PNPLA6: variants seen among roughly 807,000 people sequenced by gnomAD.
PNPLA6 encodes patatin-like phospholipase domain-containing protein 6.
A neutral mutation model predicts 153.7 loss-of-function variants in PNPLA6; 105 were observed. That is an observed-to-expected ratio of 0.68 (90% CI 0.58 to 0.80). PNPLA6 has a LOEUF of 0.80. Among genes scored for constraint, PNPLA6 ranks in the 30% least tolerant of loss-of-function variants. PNPLA6 has a pLI of 0.00. For missense variants in PNPLA6, 1,423 were observed against 1,919.3 expected, an observed-to-expected ratio of 0.74 and a Z score of 4.83; for synonymous variants, 825 against 822.2, an observed-to-expected ratio of 1.00 and a Z score of -0.06.
At position 7,540,520 on chromosome 19, in the gene PNPLA6, T is replaced by C; in HGVS notation, c.715-110T>C. 1.9e-6 allele frequency: 2 copies of C among 1,069,958 alleles called. No individual in the cohort carries two copies. Among genetic ancestry groups the C allele is most frequent in the Non-Finnish European group, 2.9e-6 (2 of 690,410 alleles). 66.3% of individuals were successfully genotyped at this position (1,069,958 alleles called of 1,614,324 possible). ...CCTGCTCGTTGGAAGGGTTGGTGGG[T>C]TCCCCTGAGAAGGGATGAGAAGTGT... On this transcript the variant is annotated intron_variant, in intron 5 of 31. Coordinates refer to ENST00000600737, the MANE Select transcript of PNPLA6 (RefSeq NM_001166114.2). This position sits in a 1 kb window ranked among gnomAD's most constrained non-coding sequence, Gnocchi z 6.8.
chr19:7,555,071 A>C lies in PNPLA6; in HGVS notation c.2813A>C (p.Lys938Thr). 1 of 1,593,678 alleles carries C rather than the reference A, an allele frequency of 6.3e-7. No homozygotes were observed. The highest frequency in any genetic ancestry group is 1.1e-5 in the South Asian group (1 of 90,158). Reference sequence around the variant, plus strand: ...CTCTTTTCGCGCCGCAGCCCTGCCAAGCTGGTGAGGAGCGGGCCGGCCCCC... The same window carrying C: ...CTCTTTTCGCGCCGCAGCCCTGCCACGCTGGTGAGGAGCGGGCCGGCCCCC... ...RRLFSRRSPA[K>T]LHELYEKVFS... Residue 938 changes from lysine to threonine, a missense_variant, in exon 22 of 32, where the codon AAG becomes ACG. By Grantham distance (78) the Lys-to-Thr change is moderately conservative. Coordinates refer to ENST00000600737, the MANE Select transcript of PNPLA6 (RefSeq NM_001166114.2). This position sits in a 1 kb window ranked among gnomAD's most constrained non-coding sequence, Gnocchi z 6.3.
intron 20 of PNPLA6, 84 bp downstream of exon 20, chr19:7,554,356 C>A: frequency 1.5e-6 from 2 of 1,358,520 alleles, no homozygotes; most frequent in Non-Finnish European, 2.1e-6. Context: ...AAGTTCTTGG[C>A]TTCCAACCAC....
intron 13 of PNPLA6, among the ~76,000 whole-genome samples, chr19:7,544,255 G>C (rs1004740617): frequency 1.3e-5 from 2 of 152,132 alleles, no homozygotes; most frequent in Non-Finnish European, 2.9e-5. Flanking sequence ...GGGATTACAG[G>C]GTTGTGCCAC....
chr19:7,554,097 G>T (rs553221126), intron 19 of PNPLA6, 82 bp downstream of exon 19: 2 of 1,591,464 alleles, frequency 1.3e-6, no homozygotes, highest in East Asian at 2.2e-5. Context: ...AGGTCATTTG[G>T]GGGGTGGAGG....
intron 13 of PNPLA6, among the ~76,000 whole-genome samples, chr19:7,543,701 T>C (rs2023257044): frequency 6.6e-6 from 1 of 152,074 alleles, no homozygotes; most frequent in Non-Finnish European, 1.5e-5. Context: ...CCACACTCTG[T>C]CCCCAGAGTG....
chr19:7,539,892 C>T (rs2023048921), intron 3 of PNPLA6, 26 bp from the exon 4 acceptor site: 5 of 1,494,372 alleles, frequency 3.3e-6, no homozygotes, highest in South Asian at 1.2e-5. Flanking sequence ...CCCCCCTCAC[C>T]CCCGGCACCC....
intron 26 of PNPLA6, 119 bp from the exon 27 acceptor site, chr19:7,557,049 C>G (rs2023910809): frequency 3.5e-6 from 3 of 864,506 alleles, no homozygotes; most frequent in African/African-American, 3.3e-5. Context: ...CGGGCACCTG[C>G]TGGTGGACGG....
intron 28 of PNPLA6, among the ~76,000 whole-genome samples, chr19:7,559,659 CA>C (rs1202469720): frequency 4.6e-5 from 7 of 150,590 alleles, no homozygotes; most frequent in African/African-American, 1.7e-4. Context: ...TGCAACATAG[CA>C]AAACCCCATC....
rs1170226361 is a variant in PNPLA6, at chr19:7,535,761, G to A, written c.-28G>A. 1 of 1,521,728 alleles carries A rather than the reference G, an allele frequency of 6.6e-7. No homozygotes were observed. Among genetic ancestry groups the A allele is most frequent in the South Asian group, 1.2e-5 (1 of 83,384 alleles). 94.3% of individuals were successfully genotyped at this position (1,521,728 alleles called of 1,614,324 possible). The stretch of plus-strand genomic sequence containing the variant: ...CTCAGGGAAGAGTCGCGCCCCCGGG[G>A]AGGGAGCAGCACTGGCCCATTCTGC... On this transcript the variant is annotated 5_prime_UTR_variant, in exon 1 of 32. Transcript: ENST00000600737. The surrounding 1 kb of genome is among the most constrained non-coding windows in gnomAD (Gnocchi z 5.0).
At chr19:7,536,580 G>T (rs2022882930) in intron 3 of PNPLA6, 34 bp downstream of exon 3, 5 of 1,376,504 alleles carry the variant, frequency 3.6e-6, no homozygotes, top group African/African-American at 2.9e-5. Flanking sequence ...TGGTATTAGG[G>T]GTTATCTCAG....
chr19:7,561,442 A>G, intron 31 of PNPLA6, 46 bp from the exon 32 acceptor site: 1 of 1,520,882 alleles, frequency 6.6e-7, no homozygotes, highest in Non-Finnish European at 9.0e-7. Flanking sequence ...CATGTGACGC[A>G]TCAGTGTCCC....
chr19:7,553,284 C>T (rs1200536169), intron 18 of PNPLA6, among the ~76,000 whole-genome samples: 1 of 152,178 alleles, frequency 6.6e-6, no homozygotes, highest in African/African-American at 2.4e-5. Flanking sequence ...CAGGGTCTCG[C>T]TCTGTAGCCC....
At chr19:7,537,061 G>A (rs1014262243) in intron 3 of PNPLA6, among the ~76,000 whole-genome samples, 1 of 151,940 alleles carries the variant, frequency 6.6e-6, no homozygotes, top group East Asian at 1.9e-4. Context: ...TCTTCCCTGA[G>A]GGCTACCTCA....
chr19:7,552,778 A>G (rs909718326), intron 18 of PNPLA6, among the ~76,000 whole-genome samples: 2 of 151,676 alleles, frequency 1.3e-5, no homozygotes, highest in Admixed American at 6.6e-5. Context: ...AGAAAGAAAA[A>G]AAAAAAGAAA....
rs776524852 is a variant in PNPLA6 at position 7,542,664 on chromosome 19, C to G, written c.1356C>G (p.Pro452=). ...EEASGGSLAA[P]ARTPTQEPRE... is the part of the protein sequence containing the mutation. Reference sequence around the variant, plus strand: ...CCTCCGGGGGGTCCCTGGCAGCCCCCGCTCGGGTAAGGCTTGGGACCCTGC... The same window carrying G: ...CCTCCGGGGGGTCCCTGGCAGCCCCGGCTCGGGTAAGGCTTGGGACCCTGC... The change falls in exon 11 of 32, where the codon CCC becomes CCG. Residue 452 remains proline (P), a synonymous_variant. Transcript: ENST00000600737. 1.2e-6 allele frequency: 2 copies of G among 1,612,970 alleles called. No individual in the cohort carries two copies. Among genetic ancestry groups the G allele is most frequent in the Non-Finnish European group, 1.7e-6 (2 of 1,179,784 alleles).
Position 7,549,978 on chromosome 19 carries a change from CGT to C in PNPLA6, c.1684_1685del (p.Cys562ProfsTer43), listed in dbSNP as rs1395700335. ...AGCGCATGATCGACAAGGCGGAGGA[CGT>C]GTGCCTGTTCGTAGCGCAGCCCGGG... ...YQRMIDKAED[V>X]CLFVAQPGEL... On this transcript the variant is annotated frameshift_variant, in exon 14 of 32. Transcript: ENST00000600737. LOFTEE classifies it high-confidence loss of function. 6.2e-7 allele frequency: 1 copy of C among 1,613,828 alleles called. No individual in the cohort carries two copies. The highest frequency in any genetic ancestry group is 8.5e-7 in the Non-Finnish European group (1 of 1,180,044).
In PNPLA6 at chr19:7,560,665, CG is replaced by C. The variant is rs2024061231; in HGVS notation, c.3720del (p.Lys1241ArgfsTer71). On this transcript the variant is annotated frameshift_variant, in exon 29 of 32. Transcript: ENST00000600737. LOFTEE classifies it high-confidence loss of function. ...TCCCACAGGATGTGGGCTACCAGTA[CG>C]GGAAGGCGGTGTTTGGAGGCTGGAG... ...DQIYDVGYQY[G>X]KAVFGGWSRG... 1 of 1,612,926 alleles carries C rather than the reference CG, an allele frequency of 6.2e-7. No individual in the cohort carries two copies. Among genetic ancestry groups the C allele is most frequent in the South Asian group, 1.1e-5 (1 of 91,044 alleles).
intron 3 of PNPLA6, 140 bp downstream of exon 3, chr19:7,536,686 G>A: frequency 4.2e-6 from 3 of 713,828 alleles, no homozygotes; most frequent in Non-Finnish European, 7.6e-6. Flanking sequence ...CCAGCACTTT[G>A]GGAGGCTAAG....
intron 13 of PNPLA6, 76 bp downstream of exon 13, chr19:7,543,160 C>T (rs1465355188): frequency 1.6e-6 from 2 of 1,252,480 alleles, no homozygotes; most frequent in African/African-American, 2.9e-5. Flanking sequence ...TGATCCCTGC[C>T]CTTTGACTGT....
Sources: allele counts gnomAD v4.1 joint callset (sites outside exome capture counted in the v4.1 genomes callset), GRCh38; gene constraint gnomAD v4.1.1; non-coding constraint Gnocchi (gnomAD v3.1); transcripts MANE v1.5; gene names NCBI Gene and HGNC (gene_info 2026-07-23, HGNC 2026-07-21).